The following ZC3H12B variants were observed in gnomAD, a reference collection of about 807,000 sequenced individuals.
ZC3H12B encodes the protein probable ribonuclease ZC3H12B.
In ZC3H12B, 7 loss-of-function variants were observed where a neutral mutation model predicts 43.9. That is an observed-to-expected ratio of 0.16 (90% CI 0.09 to 0.30). ZC3H12B has a LOEUF of 0.30. ZC3H12B is among the 10% of genes least tolerant of loss of function. ZC3H12B has a pLI of 1.00. For synonymous variants in ZC3H12B, 222 were observed against 241.7 expected (o/e 0.92, Z 0.76); for missense variants, 475 against 670.2 (o/e 0.71, Z 3.22).
At chrX:65,444,513 T>G (rs899204051) in intron 3 of ZC3H12B, among the ~76,000 whole-genome samples, 7 of 112,507 alleles carry the variant, frequency 6.2e-5, no homozygotes, top group Non-Finnish European at 1.3e-4. Flanking sequence ...TCCACCATGA[T>G]TGTGGGAACT....
At chrX:65,471,444 GA>G (rs1218354434) in intron 3 of ZC3H12B, among the ~76,000 whole-genome samples, 3 of 81,828 alleles carry the variant, frequency 3.7e-5, no homozygotes, top group African/African-American at 1.8e-4. Flanking sequence ...TTTGGTTTGT[GA>G]TTTTTTTTTT....
chrX:65,160,936 G>A, the ZC3H12B span, among the ~76,000 whole-genome samples: 1 of 110,775 alleles, frequency 9.0e-6, no homozygotes, highest in African/African-American at 3.3e-5. Context: ...CTTTGAATGT[G>A]TCCCAGAGAT....
chrX:65,047,079 T>C, the ZC3H12B span, among the ~76,000 whole-genome samples: 9 of 111,104 alleles, frequency 8.1e-5, no homozygotes, highest in Admixed American at 2.9e-4. Flanking sequence ...ATGAAAAAGT[T>C]TGAAATATTA....
the ZC3H12B span, among the ~76,000 whole-genome samples, chrX:65,080,221 G>A: frequency 9.4e-6 from 1 of 106,396 alleles, no homozygotes; most frequent in African/African-American, 3.4e-5. Context: ...ACACCTATGG[G>A]ATCTAGAAAA....
the ZC3H12B span, among the ~76,000 whole-genome samples, chrX:65,109,184 G>A: frequency 9.0e-6 from 1 of 110,948 alleles, no homozygotes; most frequent in Non-Finnish European, 1.9e-5. Flanking sequence ...TTTTACTTTG[G>A]GGACACCTTT....
chrX:65,481,642 A>G (rs1048609046), intron 3 of ZC3H12B, among the ~76,000 whole-genome samples: 2 of 111,907 alleles, frequency 1.8e-5, no homozygotes, highest in African/African-American at 3.2e-5. Flanking sequence ...TAATATAACA[A>G]TAATGCATTA....
chrX:65,368,096 T>A (rs2066196848), intron 1 of ZC3H12B, among the ~76,000 whole-genome samples: 1 of 112,485 alleles, frequency 8.9e-6, no homozygotes, highest in South Asian at 3.6e-4. Context: ...TGGTTATTAG[T>A]GTAACGATTA....
At position 65,503,618 on chromosome X, in the gene ZC3H12B, C is replaced by CT. The variant is rs201727012; in HGVS notation, c.*412dup. 9.9e-3 allele frequency: 1,060 copies of CT among 106,708 alleles called. 19 individuals are homozygous for CT. Among genetic ancestry groups the CT allele is most frequent in the African/African-American group, 0.043 (1,000 of 23,078 alleles). 8.8% of individuals were successfully genotyped at this position (106,708 alleles called of 1,213,427 possible). A position where few individuals can be genotyped will look rare whatever the true frequency, so the allele number is the denominator to read the frequency against. Reference sequence around the variant, plus strand: ...TCTCTTTTCGTTTCTTTCTTTCTTTCTTTATTTTTTTTTTTTGAGACAGAA... The same window carrying CT: ...TCTCTTTTCGTTTCTTTCTTTCTTTCTTTTATTTTTTTTTTTTGAGACAGAA... On this transcript the variant is annotated 3_prime_UTR_variant, in exon 5 of 5. Transcript: ENST00000338957.
the ZC3H12B span, among the ~76,000 whole-genome samples, chrX:65,245,344 A>G: frequency 8.9e-6 from 1 of 112,089 alleles, no homozygotes; most frequent in Admixed American, 9.5e-5. Flanking sequence ...TCATTCTATG[A>G]GGCAAATATC....
chrX:65,104,419 T>C, the ZC3H12B span, among the ~76,000 whole-genome samples: 3 of 111,929 alleles, frequency 2.7e-5, no homozygotes, highest in Non-Finnish European at 5.6e-5. Flanking sequence ...AAATGGGATC[T>C]AATTAAATGA....
chrX:65,319,213 A>G, the ZC3H12B span, among the ~76,000 whole-genome samples: 4 of 111,508 alleles, frequency 3.6e-5, no homozygotes, highest in Admixed American at 1.9e-4. Context: ...GGAAGATCCA[A>G]ATAAACACAA....
At chrX:65,380,287 A>C (rs1388856089) in intron 2 of ZC3H12B, among the ~76,000 whole-genome samples, 1 of 112,253 alleles carries the variant, frequency 8.9e-6, no homozygotes, top group East Asian at 2.8e-4. Flanking sequence ...GCCAGAAGAG[A>C]GTGGGGGCCA....
chrX:65,224,600 C>T, the ZC3H12B span, among the ~76,000 whole-genome samples: 4 of 112,294 alleles, frequency 3.6e-5, no homozygotes, highest in Non-Finnish European at 7.5e-5. Flanking sequence ...CACAAGGGGT[C>T]GGGGAGTTCC....
the ZC3H12B span, among the ~76,000 whole-genome samples, chrX:65,263,927 A>G: frequency 4.5e-5 from 5 of 111,645 alleles, no homozygotes; most frequent in Middle Eastern, 4.6e-3. Context: ...CCATCAACCA[A>G]TGAGCAGAAA....
At chrX:65,042,506 G>T in the ZC3H12B span, among the ~76,000 whole-genome samples, 1 of 112,421 alleles carries the variant, frequency 8.9e-6, no homozygotes, top group African/African-American at 3.2e-5. Flanking sequence ...AATCTAGATA[G>T]CCCTGAAACT....
At chrX:65,269,364 AC>A in the ZC3H12B span, among the ~76,000 whole-genome samples, 1 of 108,190 alleles carries the variant, frequency 9.2e-6, no homozygotes, top group Non-Finnish European at 1.9e-5. Context: ...ACAAAACAAA[AC>A]AAAAAAAAAA....
intron 2 of ZC3H12B, among the ~76,000 whole-genome samples, chrX:65,387,756 C>A (rs964766939): frequency 5.3e-5 from 6 of 112,704 alleles, no homozygotes; most frequent in South Asian, 7.3e-4. Flanking sequence ...TACAATTTGG[C>A]ATGTTTTTGC....
the ZC3H12B span, among the ~76,000 whole-genome samples, chrX:65,205,911 C>T: frequency 8.9e-6 from 1 of 111,787 alleles, no homozygotes; most frequent in Non-Finnish European, 1.9e-5. Flanking sequence ...AACTCAACCC[C>T]TTTCACAATA....
chrX:65,127,750 C>T, the ZC3H12B span, among the ~76,000 whole-genome samples: 2 of 110,688 alleles, frequency 1.8e-5, no homozygotes, highest in Admixed American at 9.6e-5. Context: ...AGTTATATTC[C>T]CAGGGAGATT....
Sources: gnomAD v4.1 joint callset for allele counts (sites outside exome capture counted in the v4.1 genomes callset) on GRCh38, gnomAD v4.1.1 for gene constraint, MANE v1.5 for transcripts, NCBI Gene and HGNC (gene_info 2026-07-23, HGNC 2026-07-21) for gene names.